Variants in PIAS2 observed in about 807,000 individuals in gnomAD.
PIAS2 encodes the protein protein inhibitor of activated STAT 2.
Under a neutral mutation model 69.7 loss-of-function variants are expected in PIAS2, and 19 were observed. That is an observed-to-expected ratio of 0.27 (90% confidence interval 0.19 to 0.40). The LOEUF is 0.40. Among genes scored for constraint, PIAS2 ranks in the 10% least tolerant of loss-of-function variants. PIAS2 has a pLI of 1.00. For missense variants in PIAS2, 624 were observed against 757.0 expected, an observed-to-expected ratio of 0.82 and a Z score of 2.06; for synonymous variants, 261 against 263.2, an observed-to-expected ratio of 0.99 and a Z score of 0.08.
At chr18:46,846,364 T>C (rs183490851) in intron 6 of PIAS2, 237 of 165,428 alleles carry the variant, frequency 1.4e-3, no homozygotes, top group Non-Finnish European at 3.5e-4. Context: ...CGGATAAAAC[T>C]TTCTTTGTTC....
At chr18:46,891,135 G>A in intron 1 of PIAS2, 81 bp from the exon 2 acceptor site, 1 of 1,018,042 alleles carries the variant, frequency 9.8e-7, no homozygotes, top group Non-Finnish European at 1.4e-6. Flanking sequence ...TGTAAAATGT[G>A]ATTTTTCCAG....
chr18:46,916,468 A>G (rs2057917962), intron 1 of PIAS2, among the ~76,000 whole-genome samples: 2 of 151,906 alleles, frequency 1.3e-5, no homozygotes, highest in South Asian at 2.1e-4. Context: ...TAATTCAGCG[A>G]TACACACAAA....
At chr18:46,817,827 CAA>C in intron 12 of PIAS2, 3 of 957,312 alleles carry the variant, frequency 3.1e-6, no homozygotes, top group Non-Finnish European at 3.7e-6. Context: ...ACGAAACCAT[CAA>C]AGTCTTCTTG....
At chr18:46,850,153 CAG>C (rs1396746266) in intron 5 of PIAS2, among the ~76,000 whole-genome samples, 4 of 152,144 alleles carry the variant, frequency 2.6e-5, no homozygotes, top group African/African-American at 9.7e-5. Flanking sequence ...TCTACCAGTT[CAG>C]TAATGTACTT....
intron 9 of PIAS2, among the ~76,000 whole-genome samples, chr18:46,831,201 CAT>C (rs1382580052): frequency 6.6e-6 from 1 of 152,080 alleles, no homozygotes; most frequent in African/African-American, 2.4e-5. Context: ...ATGGGAATAA[CAT>C]ATGTTGATAT....
In PIAS2 at chr18:46,855,372, T is replaced by A. The variant is rs772388225; in HGVS notation, c.699A>T (p.Lys233Asn). 4 of 1,610,926 alleles carry A rather than the reference T, an allele frequency of 2.5e-6. No individual in the cohort carries two copies. Residue 233 changes from lysine (K) to asparagine (N), a missense_variant, in exon 5 of 14, where the codon AAA becomes AAT. Physicochemically the swap from Lys to Asn is moderately conservative, Grantham distance 94. Coordinates refer to ENST00000585916, the MANE Select transcript of PIAS2 (RefSeq NM_004671.5). ...GCAAAGGAAATAGCTTCCCATTTAC[T>A]TTTATACATAGACTATTTGGATAGT... Reference protein sequence around the residue: ...EDNYPNSLCIKVNGKLFPLPG... With the variant: ...EDNYPNSLCINVNGKLFPLPG...
In PIAS2 at chr18:46,809,837, G is replaced by C. The variant is rs951985739; in HGVS notation, c.*2596C>G. On this transcript the variant is annotated 3_prime_UTR_variant, in exon 14 of 14. Transcript: ENST00000585916. The stretch of plus-strand genomic sequence containing the variant: ...AAGATATTCCAGACAATCACTGGTT[G>C]GCTGACAGAATCTAGGTGACAGCTA... 3 of 151,928 alleles carry C rather than the reference G, an allele frequency of 2.0e-5. No individual in the cohort carries two copies. The highest frequency in any genetic ancestry group is 7.3e-5 in the African/African-American group (3 of 41,356). 9.4% of individuals were successfully genotyped at this position (151,928 alleles called of 1,614,324 possible). A position where few individuals can be genotyped will look rare whatever the true frequency, so the allele number is the denominator to read the frequency against.
In PIAS2 at chr18:46,812,106, T is replaced by G. The variant is rs1327198175; in HGVS notation, c.*327A>C. ...TACTTGAATATTTACATAATTTTATTGCTCTTTATTTTAACAAAAACTTTT... is the reference window on the plus strand; with the variant it reads ...TACTTGAATATTTACATAATTTTATGGCTCTTTATTTTAACAAAAACTTTT... On this transcript the variant is annotated 3_prime_UTR_variant, in exon 14 of 14. Transcript: ENST00000585916. 1 of 171,812 alleles carries G rather than the reference T, an allele frequency of 5.8e-6. No individual in the cohort carries two copies. The highest frequency in any genetic ancestry group is 1.2e-5 in the Non-Finnish European group (1 of 81,008). 10.6% of individuals were successfully genotyped at this position (171,812 alleles called of 1,614,324 possible). A position where few individuals can be genotyped will look rare whatever the true frequency, so the allele number is the denominator to read the frequency against.
intron 1 of PIAS2, chr18:46,905,974 T>TG (rs1428461158): frequency 6.6e-6 from 1 of 151,774 alleles, no homozygotes; most frequent in Non-Finnish European, 1.5e-5. Context: ...CTGAGTCCAG[T>TG]GAAAAAAAGG....
chr18:46,898,738 A>G (rs1181608730), intron 1 of PIAS2, among the ~76,000 whole-genome samples: 1 of 152,188 alleles, frequency 6.6e-6, no homozygotes, highest in Non-Finnish European at 1.5e-5. Flanking sequence ...TCACGCCTCT[A>G]ATCTCAACAC....
chr18:46,812,367 C>T lies in PIAS2; in HGVS notation c.*66G>A, dbSNP rs752134139. ...AAAAAAAAAAAAAAAAGAACGTTTCCACAGACTAGAGATCCAAGAAAAAGC... is the reference window on the plus strand; with the variant it reads ...AAAAAAAAAAAAAAAAGAACGTTTCTACAGACTAGAGATCCAAGAAAAAGC... On this transcript the variant is annotated 3_prime_UTR_variant, in exon 14 of 14. Coordinates refer to ENST00000585916, the MANE Select transcript of PIAS2 (RefSeq NM_004671.5). 296 of 870,314 alleles carry T rather than the reference C, an allele frequency of 3.4e-4. No homozygotes were observed. The highest frequency in any genetic ancestry group is 4.6e-4 in the Non-Finnish European group (271 of 589,328). The allele number at this position is 870,314 out of a possible 1,614,324, so 53.9% of individuals were successfully genotyped here.
At chr18:46,831,738 C>T (rs974474797) in intron 9 of PIAS2, among the ~76,000 whole-genome samples, 1 of 152,162 alleles carries the variant, frequency 6.6e-6, no homozygotes, top group African/African-American at 2.4e-5. Flanking sequence ...GTGCAGCAAT[C>T]ACATGGCCAT....
At chr18:46,873,981 A>G (rs1202230528) in intron 2 of PIAS2, among the ~76,000 whole-genome samples, 4 of 152,202 alleles carry the variant, frequency 2.6e-5, no homozygotes, top group South Asian at 2.1e-4. Flanking sequence ...GGGTGTTACC[A>G]GATCAAAGAG....
At chr18:46,861,054 C>G (rs1040373493) in intron 3 of PIAS2, among the ~76,000 whole-genome samples, 2 of 151,896 alleles carry the variant, frequency 1.3e-5, no homozygotes, top group African/African-American at 2.4e-5. Flanking sequence ...CCGAGGCAGG[C>G]GGATCACCTG....
At chr18:46,896,706 T>A (rs1258569391) in intron 1 of PIAS2, among the ~76,000 whole-genome samples, 1 of 152,218 alleles carries the variant, frequency 6.6e-6, no homozygotes, top group Non-Finnish European at 1.5e-5. Context: ...ATACATTCTT[T>A]CTCATTTATC....
Position 46,807,368 on chromosome 18 carries a change from TATATATATATATATA to T in PIAS2, c.*5050_*5064del, listed in dbSNP as rs1296125107. The T allele has an allele frequency of 3.3e-4, 9 of 27,620 alleles. No homozygotes were observed. Among genetic ancestry groups the T allele is most frequent in the African/African-American group, 1.3e-3 (5 of 3,964 alleles). 1.7% of individuals were successfully genotyped at this position (27,620 alleles called of 1,614,324 possible). On this transcript the variant is annotated 3_prime_UTR_variant, in exon 14 of 14. Transcript: ENST00000585916. The stretch of plus-strand genomic sequence containing the variant: ...ACATGTCAGATTTTATATATATATA[TATATATATATATATA>T]TTTTTTTTTTTTTTTTTTTTTTTTT...
chr18:46,822,275 C>G (rs2042259363), intron 11 of PIAS2, among the ~76,000 whole-genome samples: 1 of 152,090 alleles, frequency 6.6e-6, no homozygotes, highest in African/African-American at 2.4e-5. Flanking sequence ...GAGTTGGCAA[C>G]TATGTTAGTC....
chr18:46,817,463 TTTG>T (rs1257308095), intron 12 of PIAS2: 1 of 959,504 alleles, frequency 1.0e-6, no homozygotes, highest in Non-Finnish European at 1.2e-6. Context: ...GGATCCTATT[TTTG>T]TTATTTCAAT....
intron 5 of PIAS2, among the ~76,000 whole-genome samples, chr18:46,854,718 C>A (rs1181473241): frequency 2.6e-5 from 4 of 152,094 alleles, no homozygotes; most frequent in Non-Finnish European, 4.4e-5. Context: ...GTGTTGTCAA[C>A]CAACTATTAT....
Sources: gnomAD v4.1 joint callset for allele counts (sites outside exome capture counted in the v4.1 genomes callset) on GRCh38, gnomAD v4.1.1 for gene constraint, MANE v1.5 for transcripts, NCBI Gene and HGNC (gene_info 2026-07-23, HGNC 2026-07-21) for gene names.